Variants in RBFOX1 observed in about 807,000 individuals in gnomAD.
RBFOX1 encodes RNA binding fox-1 homolog 1, also known as RNA binding protein fox-1 homolog 1.
RBFOX1 carries 8 observed loss-of-function variants against 57.7 expected under a neutral mutation model. The ratio of observed to expected loss-of-function variants is 0.14; its 90% CI spans 0.08 to 0.25. RBFOX1 has a LOEUF of 0.25. Among genes scored for constraint, RBFOX1 ranks in the 10% least tolerant of loss-of-function variants. The probability of loss-of-function intolerance (pLI) is 1.00; values close to 1 mark genes in which losing one functional copy is unlikely to be tolerated. For missense variants in RBFOX1, 611 were observed against 548.5 expected, an observed-to-expected ratio of 1.11 and a Z score of -1.14; for synonymous variants, 326 against 222.4, an observed-to-expected ratio of 1.47 and a Z score of -4.15.
At chr16:7,443,346 C>G (rs1231105807) in intron 4 of RBFOX1, among the ~76,000 whole-genome samples, 2 of 151,788 alleles carry the variant, frequency 1.3e-5, no homozygotes, top group African/African-American at 4.8e-5. Flanking sequence ...GAATTCCTAC[C>G]CCATCCCCCT....
chr16:6,247,347 G>C (rs1036598661), intron 1 of RBFOX1, among the ~76,000 whole-genome samples: 1 of 152,156 alleles, frequency 6.6e-6, no homozygotes, highest in African/African-American at 2.4e-5. Context: ...CTCTTGTTCA[G>C]ACTTTGGCAG....
At chr16:6,831,702 T>G (rs7205930) in intron 3 of RBFOX1, among the ~76,000 whole-genome samples, 1 of 152,162 alleles carries the variant, frequency 6.6e-6, no homozygotes, top group Non-Finnish European at 1.5e-5. Context: ...TTTTAACTCT[T>G]TGCCCCTTCC....
At chr16:6,356,906 G>A (rs183990813) in intron 2 of RBFOX1, among the ~76,000 whole-genome samples, 1 of 152,242 alleles carries the variant, frequency 6.6e-6, no homozygotes, top group African/African-American at 2.4e-5. Flanking sequence ...AAATCCAAAA[G>A]CGTTCTAAAA....
At chr16:6,949,139 T>C (rs2080173712) in intron 3 of RBFOX1, among the ~76,000 whole-genome samples, 1 of 152,174 alleles carries the variant, frequency 6.6e-6, no homozygotes, top group Non-Finnish European at 1.5e-5. Flanking sequence ...GATAGGGATA[T>C]GTAACTGATG....
chr16:7,573,080 G>A (rs1003676335), intron 5 of RBFOX1, among the ~76,000 whole-genome samples: 10 of 152,132 alleles, frequency 6.6e-5, no homozygotes, highest in Admixed American at 6.5e-5. Flanking sequence ...GAGAGAGAGT[G>A]CTGGTGCAGA....
At chr16:5,706,447 C>T (rs914759054) in intron 3 of RBFOX1, among the ~76,000 whole-genome samples, 2 of 152,092 alleles carry the variant, frequency 1.3e-5, no homozygotes, top group Non-Finnish European at 2.9e-5. Context: ...CCTGGTGCTC[C>T]CCCGTCATTT....
At chr16:6,147,888 C>G (rs1000695399) in intron 1 of RBFOX1, among the ~76,000 whole-genome samples, 1 of 152,232 alleles carries the variant, frequency 6.6e-6, no homozygotes, top group African/African-American at 2.4e-5. Flanking sequence ...CAAATCCCCC[C>G]ACTTCTAGTC....
chr16:5,832,896 CAG>C (rs113370756), intron 3 of RBFOX1, among the ~76,000 whole-genome samples: 3,255 of 152,242 alleles, frequency 0.021, 113 homozygotes, highest in African/African-American at 0.074. Flanking sequence ...AAAGGGTCCT[CAG>C]AGACTTCTTG....
intron 2 of RBFOX1, among the ~76,000 whole-genome samples, chr16:5,544,951 CTTTTTTTTTT>C (rs59873374): frequency 5.6e-5 from 7 of 124,354 alleles, no homozygotes; most frequent in Non-Finnish European, 8.2e-5. Flanking sequence ...CTATTACATT[CTTTTTTTTTT>C]TTTTTTTTTT....
intron 2 of RBFOX1, among the ~76,000 whole-genome samples, chr16:6,647,226 A>C (rs1349641166): frequency 1.3e-5 from 2 of 152,122 alleles, no homozygotes; most frequent in Non-Finnish European, 1.5e-5. Context: ...TCTTCTTAAA[A>C]GGATACTAAT....
intron 3 of RBFOX1, among the ~76,000 whole-genome samples, chr16:5,667,461 T>C (rs1392873869): frequency 2.0e-5 from 3 of 152,224 alleles, no homozygotes; most frequent in Non-Finnish European, 2.9e-5. Flanking sequence ...AGTATGCAGA[T>C]AGTTTTTGGG....
intron 4 of RBFOX1, among the ~76,000 whole-genome samples, chr16:7,124,705 C>G (rs977986024): frequency 6.6e-6 from 1 of 151,798 alleles, no homozygotes; most frequent in African/African-American, 2.4e-5. Flanking sequence ...CCCACATACA[C>G]AAAAAGACTC....
intron 3 of RBFOX1, among the ~76,000 whole-genome samples, chr16:6,983,269 C>T (rs1191261392): frequency 1.3e-5 from 2 of 152,040 alleles, no homozygotes; most frequent in Non-Finnish European, 1.5e-5. Context: ...CTAGTAACTG[C>T]ATTAGAATGA....
intron 14 of RBFOX1, among the ~76,000 whole-genome samples, chr16:7,703,444 C>A (rs2081412202): frequency 6.6e-6 from 1 of 150,542 alleles, no homozygotes; most frequent in African/African-American, 2.5e-5. Flanking sequence ...AGGATTCACC[C>A]AGCTATCTCT....
intron 1 of RBFOX1, among the ~76,000 whole-genome samples, chr16:6,274,822 G>T (rs2075617915): frequency 6.6e-6 from 1 of 152,196 alleles, no homozygotes; most frequent in Non-Finnish European, 1.5e-5. Context: ...TTCAGAGAAT[G>T]AGCAGAAGGA....
At chr16:7,203,159 C>G (rs1379784206) in intron 4 of RBFOX1, among the ~76,000 whole-genome samples, 1 of 152,094 alleles carries the variant, frequency 6.6e-6, no homozygotes, top group Non-Finnish European at 1.5e-5. Context: ...CAATGATGAA[C>G]AGATAAGCAA....
At chr16:7,560,357 G>C (rs1390442664) in intron 5 of RBFOX1, among the ~76,000 whole-genome samples, 16 of 152,086 alleles carry the variant, frequency 1.1e-4, no homozygotes, top group Admixed American at 1.0e-3. Context: ...AGTTTATTCA[G>C]CTGCAAAAAA....
intron 5 of RBFOX1, among the ~76,000 whole-genome samples, chr16:7,567,665 C>A (rs1194619055): frequency 1.5e-5 from 2 of 129,274 alleles, no homozygotes; most frequent in African/African-American, 5.8e-5. Flanking sequence ...ATATATATAT[C>A]CCTATATATG....
rs183877749 is a variant in RBFOX1 at position 7,123,936 on chromosome 16, C to G, written c.27+71838C>G. Among the ~76,000 whole-genome samples, 168 of 152,238 alleles carry G rather than the reference C, an allele frequency of 1.1e-3. 1 individual carries two copies. The highest frequency in any genetic ancestry group is 3.9e-3 in the African/African-American group (164 of 41,554). On this transcript the variant is annotated intron_variant, in intron 4 of 15. Transcript: ENST00000550418. The stretch of plus-strand genomic sequence containing the variant: ...AAAGGAGAGAGGGAAAGTGGAATCT[C>G]TAAGTTGTATTAATGCTACATCAGT...
Sources: allele counts gnomAD v4.1 joint callset (sites outside exome capture counted in the v4.1 genomes callset), GRCh38; gene constraint gnomAD v4.1.1; transcripts MANE v1.5; gene names NCBI Gene and HGNC (gene_info 2026-07-23, HGNC 2026-07-21).